The following SPAM1 variants were observed in gnomAD, a reference collection of about 807,000 sequenced individuals.
The protein encoded by SPAM1 is hyaluronidase PH-20.
In SPAM1, 22 loss-of-function variants were observed where a neutral mutation model predicts 29.6. That is an observed-to-expected ratio of 0.74 (90% CI 0.53 to 1.06). SPAM1 has a LOEUF of 1.06. SPAM1 is among the 50% of genes least tolerant of loss of function. The pLI is 0.00. For synonymous variants in SPAM1, 194 were observed against 204.6 expected (o/e 0.95, Z 0.44); for missense variants, 534 against 604.0 (o/e 0.88, Z 1.21).
At chr7:123,935,269 C>T (rs1233773015) in intron 1 of SPAM1, among the ~76,000 whole-genome samples, 1 of 152,098 alleles carries the variant, frequency 6.6e-6, no homozygotes, top group African/African-American at 2.4e-5. Context: ...CTCAAAATAA[C>T]TAATATGCCA....
rs895740001 is a variant in SPAM1, at chr7:123,950,039, A to G, written c.-207+56A>G. 2.6e-5 allele frequency: 4 copies of G among 152,008 alleles called. No homozygotes were observed. The East Asian group carries it at 7.8e-4, about 30-fold the overall frequency. The allele number at this position is 152,008 out of a possible 1,614,324, so 9.4% of individuals were successfully genotyped here. Reference sequence around the variant, plus strand: ...GCAAAGACTTAGCAGAAGTGCTTTAAGAAGGAATTATCTGCACAATGAGCA... The same window carrying G: ...GCAAAGACTTAGCAGAAGTGCTTTAGGAAGGAATTATCTGCACAATGAGCA... On this transcript the variant is annotated intron_variant, in intron 2 of 4. Coordinates refer to ENST00000682466, the MANE Select transcript of SPAM1 (RefSeq NM_153189.3).
intron 5 of SPAM1, among the ~76,000 whole-genome samples, chr7:123,966,775 G>A (rs1584965934): frequency 6.6e-6 from 1 of 151,888 alleles, no homozygotes; most frequent in African/African-American, 2.4e-5. Flanking sequence ...TAGGGGGAGA[G>A]CATTAAGAAG....
rs1033733593 is a variant in SPAM1 at position 123,955,995 on chromosome 7, A to G, written c.1044+909A>G. Among the ~76,000 whole-genome samples the G allele has an allele frequency of 2.0e-5, 3 of 152,006 alleles. No homozygotes were observed. The East Asian group carries it at 5.8e-4, about 29-fold the overall frequency. ...TGTCCTATTATTTAAAAACTTATAA[A>G]TATTTATAAATTCTCCATACTATTT... On this transcript the variant is annotated intron_variant, in intron 4 of 4. Coordinates refer to ENST00000682466, the MANE Select transcript of SPAM1 (RefSeq NM_153189.3).
chr7:123,932,459 A>G (rs1014772310), intron 1 of SPAM1: 2 of 152,382 alleles, frequency 1.3e-5, no homozygotes, highest in African/African-American at 4.8e-5. Context: ...ATGAAGATGA[A>G]TAAAGAGAAC....
chr7:123,959,658 A>G lies in SPAM1; in HGVS notation c.1219A>G (p.Ile407Val), dbSNP rs1341033704. 3 of 1,613,232 alleles carry G rather than the reference A, an allele frequency of 1.9e-6. No individual in the cohort carries two copies. Among genetic ancestry groups the G allele is most frequent in the Admixed American group, 1.7e-5 (1 of 59,836 alleles). The change falls in exon 5 of 5, where the codon ATT (isoleucine) becomes GTT (valine). Residue 407 changes from isoleucine to valine, a missense_variant. Transcript: ENST00000682466. ...YLHLNPDNFA[I>V]QLEKGGKFTV... is the part of the protein sequence containing the mutation. ...TCACCTCAACCCAGATAATTTTGCTATTCAACTTGAGAAAGGTGGAAAGTT... is the reference window on the plus strand; with the variant it reads ...TCACCTCAACCCAGATAATTTTGCTGTTCAACTTGAGAAAGGTGGAAAGTT...
intron 5 of SPAM1, among the ~76,000 whole-genome samples, chr7:123,968,275 A>G (rs1792454256): frequency 6.6e-6 from 1 of 152,038 alleles, no homozygotes; most frequent in Non-Finnish European, 1.5e-5. Context: ...TTATTCAGAA[A>G]TTTCTAGAAA....
intron 1 of SPAM1, among the ~76,000 whole-genome samples, chr7:123,927,371 T>A (rs1807920526): frequency 1.3e-5 from 2 of 152,160 alleles, no homozygotes; most frequent in Non-Finnish European, 2.9e-5. Flanking sequence ...TTGCAGGAGT[T>A]CAATGGCTCC....
chr7:123,927,606 C>T (rs997121212), intron 1 of SPAM1, among the ~76,000 whole-genome samples: 1 of 152,106 alleles, frequency 6.6e-6, no homozygotes, highest in South Asian at 2.1e-4. Flanking sequence ...AGGTAACAGT[C>T]GTTTGCATCC....
At chr7:123,962,989 T>C (rs576779369), downstream of SPAM1, among the ~76,000 whole-genome samples, 1 of 152,012 alleles carries the variant, frequency 6.6e-6, no homozygotes, top group East Asian at 1.9e-4. Flanking sequence ...TACCACTATA[T>C]GACAATTTTA....
intron 5 of SPAM1, among the ~76,000 whole-genome samples, chr7:123,966,832 T>A (rs1348823519): frequency 2.0e-5 from 3 of 151,980 alleles, no homozygotes; most frequent in Non-Finnish European, 4.4e-5. Context: ...TGGATTGATC[T>A]GTGCAGCAAA....
chr7:123,937,110 A>G lies in SPAM1; in HGVS notation c.-319+11758A>G, dbSNP rs567249986. On this transcript the variant is annotated intron_variant, in intron 1 of 4. Coordinates refer to ENST00000682466, the MANE Select transcript of SPAM1 (RefSeq NM_153189.3). ...AGGGGTTTACAATCTCTAAATTTTT[A>G]TAGAGATACCCCTAATCTAATTGCA... Among the ~76,000 whole-genome samples the G allele has an allele frequency of 5.3e-5, 8 of 152,286 alleles. No homozygotes were observed. In the South Asian group the frequency reaches 1.2e-3, roughly 24 times the overall value.
chr7:123,967,520 TA>T (rs1268778398), intron 5 of SPAM1, among the ~76,000 whole-genome samples: 2 of 151,994 alleles, frequency 1.3e-5, no homozygotes, highest in African/African-American at 4.8e-5. Context: ...ATATTCTTAG[TA>T]GGTATGCTGA....
chr7:123,927,949 A>G (rs1348961040), intron 1 of SPAM1, among the ~76,000 whole-genome samples: 3 of 152,214 alleles, frequency 2.0e-5, no homozygotes, highest in African/African-American at 7.2e-5. Flanking sequence ...ACCAGACTGC[A>G]TCAGCAGGAA....
At chr7:123,941,915 T>A (rs988936743) in intron 1 of SPAM1, among the ~76,000 whole-genome samples, 5 of 152,128 alleles carry the variant, frequency 3.3e-5, no homozygotes, top group Non-Finnish European at 5.9e-5. Context: ...TAAAGCTCAT[T>A]TTTAGCAGGT....
At chr7:123,945,385 G>GAA (rs34322825) in intron 1 of SPAM1, among the ~76,000 whole-genome samples, 1 of 147,894 alleles carries the variant, frequency 6.8e-6, no homozygotes, top group African/African-American at 2.5e-5. Context: ...TTCCTAGGAG[G>GAA]AAAAAAAAAA....
At chr7:123,930,751 A>G (rs552237559) in intron 1 of SPAM1, among the ~76,000 whole-genome samples, 1 of 152,274 alleles carries the variant, frequency 6.6e-6, no homozygotes, top group East Asian at 1.9e-4. Context: ...ACTTACATAC[A>G]AGGATGGTCT....
At chr7:123,961,849 T>C (rs535441761), downstream of SPAM1, among the ~76,000 whole-genome samples, 4 of 152,034 alleles carry the variant, frequency 2.6e-5, no homozygotes, top group African/African-American at 7.2e-5. Flanking sequence ...ACTTCTTACA[T>C]GGTAGCAGCA....
chr7:123,939,990 T>C (rs1240714355), intron 1 of SPAM1, among the ~76,000 whole-genome samples: 1 of 152,186 alleles, frequency 6.6e-6, no homozygotes, highest in Non-Finnish European at 1.5e-5. Context: ...CTTTTCCTTG[T>C]TGTTTTTGGA....
intron 2 of SPAM1, among the ~76,000 whole-genome samples, chr7:123,951,453 C>A (rs779430662): frequency 3.0e-4 from 46 of 152,218 alleles, no homozygotes; most frequent in Admixed American, 6.5e-4. Flanking sequence ...TAGGTCTAAT[C>A]CTCAATTTTG....
Sources: allele counts gnomAD v4.1 joint callset (sites outside exome capture counted in the v4.1 genomes callset), GRCh38; gene constraint gnomAD v4.1.1; transcripts MANE v1.5; gene names NCBI Gene and HGNC (gene_info 2026-07-23, HGNC 2026-07-21).